The following PPM1A variants were observed in gnomAD, a reference collection of about 807,000 sequenced individuals.
PPM1A encodes protein phosphatase, Mg2+/Mn2+ dependent 1A.
Under a neutral mutation model 35.0 loss-of-function variants are expected in PPM1A, and 7 were observed. That is an observed-to-expected ratio of 0.20 (90% CI 0.11 to 0.38). The LOEUF (loss-of-function observed/expected upper bound fraction) is 0.38. Among genes scored for constraint, PPM1A ranks in the 10% least tolerant of loss-of-function variants. The pLI, the probability that PPM1A is intolerant of heterozygous loss-of-function variation, is 1.00. For missense variants in PPM1A, 239 were observed against 467.8 expected, an observed-to-expected ratio of 0.51 and a Z score of 4.51; for synonymous variants, 153 against 167.3, an observed-to-expected ratio of 0.91 and a Z score of 0.66.
At chr14:60,278,589 C>T (rs138815546) in intron 1 of PPM1A, among the ~76,000 whole-genome samples, 3 of 152,094 alleles carry the variant, frequency 2.0e-5, no homozygotes, top group South Asian at 2.1e-4. Flanking sequence ...ACTAGTCATT[C>T]GACAAAGATT....
chr14:60,268,172 T>C, intron 1 of PPM1A: 1 of 388,676 alleles, frequency 2.6e-6, no homozygotes, highest in Non-Finnish European at 3.5e-6. Flanking sequence ...TACAGTTTGT[T>C]GTGACCTCCT....
chr14:60,250,153 C>T (rs1365917270), intron 1 of PPM1A, among the ~76,000 whole-genome samples: 1 of 152,010 alleles, frequency 6.6e-6, no homozygotes, highest in African/African-American at 2.4e-5. Flanking sequence ...GGCTTAGCCT[C>T]GAAAAACCTA....
Position 60,285,711 on chromosome 14 carries a change from T to C in PPM1A, c.922T>C (p.Leu308=). 1.2e-6 allele frequency: 2 copies of C among 1,613,928 alleles called. No homozygotes were observed. The highest frequency in any genetic ancestry group is 8.5e-7 in the Non-Finnish European group (1 of 1,179,888). ...SPEAVKKEAE[L]DKYLECRVEE... Reference sequence around the variant, plus strand: ...AGAAGCAGTGAAGAAGGAGGCAGAGTTGGACAAGTACCTGGAATGCAGAGT... The same window carrying C: ...AGAAGCAGTGAAGAAGGAGGCAGAGCTGGACAAGTACCTGGAATGCAGAGT... The change falls in exon 3 of 6, where the codon TTG becomes CTG. Residue 308 remains leucine, a synonymous_variant. Transcript: ENST00000395076.
chr14:60,248,967 G>T (rs895591612), upstream of PPM1A, among the ~76,000 whole-genome samples: 1 of 152,150 alleles, frequency 6.6e-6, no homozygotes, highest in Admixed American at 6.5e-5. Flanking sequence ...TCGGCCTGGT[G>T]CTCCAGGCCG....
chr14:60,260,602 T>C (rs1333062098), intron 1 of PPM1A, among the ~76,000 whole-genome samples: 1 of 152,174 alleles, frequency 6.6e-6, no homozygotes, highest in Non-Finnish European at 1.5e-5. Context: ...ATATTCAGAC[T>C]TATGCAACGA....
intron 2 of PPM1A, among the ~76,000 whole-genome samples, chr14:60,284,226 G>T (rs1886700109): frequency 1.3e-5 from 2 of 152,220 alleles, no homozygotes; most frequent in Admixed American, 6.5e-5. Context: ...GCCAGAGAAG[G>T]TTCTACAAAC....
chr14:60,290,190 G>C (rs1282853906), intron 4 of PPM1A, among the ~76,000 whole-genome samples: 1 of 152,140 alleles, frequency 6.6e-6, no homozygotes, highest in Admixed American at 6.5e-5. Flanking sequence ...TATACTGAAA[G>C]AACTTTTTAA....
chr14:60,252,439 T>C (rs569890891), intron 1 of PPM1A, among the ~76,000 whole-genome samples: 1 of 152,286 alleles, frequency 6.6e-6, no homozygotes, highest in East Asian at 1.9e-4. Context: ...GAGATGGCCA[T>C]GTAAGAAAAT....
At chr14:60,261,485 C>G (rs1016901163) in intron 1 of PPM1A, among the ~76,000 whole-genome samples, 2 of 152,002 alleles carry the variant, frequency 1.3e-5, no homozygotes, top group African/African-American at 4.8e-5. Context: ...CTTTCTAGAA[C>G]CTTGTGTAGG....
rs183211741 is a variant in PPM1A at position 60,277,030 on chromosome 14, A to T, written c.-20-5654A>T. The T allele has an allele frequency of 1.6e-4, 192 of 1,194,044 alleles. 2 individuals are homozygous for T. The Middle Eastern group carries it at 3.5e-3, about 22-fold the overall frequency. The allele number at this position is 1,194,044 out of a possible 1,614,324, so 74.0% of individuals were successfully genotyped here. A position where few individuals can be genotyped will look rare whatever the true frequency, so the allele number is the denominator to read the frequency against. Reference sequence around the variant, plus strand: ...TACTTTGTTTTGAAAAGTTCAGATCAACTGATAATACTAGTGCTGTGATGA... The same window carrying T: ...TACTTTGTTTTGAAAAGTTCAGATCTACTGATAATACTAGTGCTGTGATGA... On this transcript the variant is annotated intron_variant, in intron 1 of 5. Transcript: ENST00000395076.
intron 1 of PPM1A, among the ~76,000 whole-genome samples, chr14:60,251,584 C>A (rs180748687): frequency 7.6e-4 from 116 of 152,316 alleles, no homozygotes; most frequent in Non-Finnish European, 8.8e-4. Flanking sequence ...TATATTATCA[C>A]ATGTACTGTC....
intron 1 of PPM1A, among the ~76,000 whole-genome samples, chr14:60,251,446 AG>A (rs1448576556): frequency 2.0e-5 from 3 of 151,940 alleles, no homozygotes; most frequent in African/African-American, 7.3e-5. Flanking sequence ...GACCTGTTGA[AG>A]GGAACAGTGC....
chr14:60,269,547 GTTTA>G (rs915509789), intron 1 of PPM1A, among the ~76,000 whole-genome samples: 1 of 151,848 alleles, frequency 6.6e-6, no homozygotes, highest in Non-Finnish European at 1.5e-5. Context: ...TTTTTGGCAT[GTTTA>G]TTTTATTTTT....
At chr14:60,276,099 T>G (rs1566590834) in intron 1 of PPM1A, among the ~76,000 whole-genome samples, 1 of 152,180 alleles carries the variant, frequency 6.6e-6, no homozygotes, top group Non-Finnish European at 1.5e-5. Flanking sequence ...GTTCCATAAA[T>G]ATGCATTCCA....
intron 1 of PPM1A, among the ~76,000 whole-genome samples, chr14:60,281,645 A>AC (rs1886420460): frequency 6.6e-6 from 1 of 152,174 alleles, no homozygotes; most frequent in South Asian, 2.1e-4. Flanking sequence ...GATTACTTGA[A>AC]CCCAGGTGTC....
rs191864416 is a variant in PPM1A, at chr14:60,293,746, G to A, written c.*1264G>A. ...GGCCCATGTCTTTAGAATCCAAGTG[G>A]TTAAGATGTATTTGTGATTTGAAAT... On this transcript the variant is annotated 3_prime_UTR_variant, in exon 6 of 6. Coordinates refer to ENST00000395076, the MANE Select transcript of PPM1A (RefSeq NM_021003.5). The surrounding 1 kb of genome is among the most constrained non-coding windows in gnomAD (Gnocchi z 4.0). 7.1e-4 allele frequency: 108 copies of A among 151,778 alleles called. No homozygotes were observed. The highest frequency in any genetic ancestry group is 2.6e-3 in the African/African-American group (106 of 41,446). 9.4% of individuals were successfully genotyped at this position (151,778 alleles called of 1,614,324 possible).
chr14:60,286,484 G>A, intron 3 of PPM1A: 1 of 985,148 alleles, frequency 1.0e-6, no homozygotes, highest in Non-Finnish European at 1.2e-6. Context: ...GACTTTAATA[G>A]TGTTAAAACA....
chr14:60,278,329 C>T (rs961573107), intron 1 of PPM1A, among the ~76,000 whole-genome samples: 4 of 135,470 alleles, frequency 3.0e-5, no homozygotes, highest in African/African-American at 1.0e-4. Context: ...TTTTCTTTGG[C>T]TCCCAGTTTC....
At position 60,297,683 on chromosome 14, in the gene PPM1A, G is replaced by A. The variant is rs1888159046; in HGVS notation, c.*5201G>A. On this transcript the variant is annotated 3_prime_UTR_variant, in exon 6 of 6. Transcript: ENST00000395076. ...ACTATCTAAAGTAAGTTAGATTGAT[G>A]TAAGAGATCGGGTAGCTGCGGAACA... The A allele has an allele frequency of 6.6e-6, 1 of 151,660 alleles. No homozygotes were observed. The highest frequency in any genetic ancestry group is 2.1e-4 in the South Asian group (1 of 4,830). The allele number at this position is 151,660 out of a possible 1,614,324, so 9.4% of individuals were successfully genotyped here. A position where few individuals can be genotyped will look rare whatever the true frequency, so the allele number is the denominator to read the frequency against.
Sources: allele counts gnomAD v4.1 joint callset (sites outside exome capture counted in the v4.1 genomes callset), GRCh38; gene constraint gnomAD v4.1.1; non-coding constraint Gnocchi (gnomAD v3.1); transcripts MANE v1.5; gene names NCBI Gene and HGNC (gene_info 2026-07-23, HGNC 2026-07-21).